Variants in PRDX5 observed in about 807,000 individuals in gnomAD.
PRDX5 encodes peroxiredoxin 5, also known as peroxiredoxin-5, mitochondrial.
A neutral mutation model predicts 23.8 loss-of-function variants in PRDX5; 21 were observed. That is an observed-to-expected ratio of 0.88 (90% CI 0.63 to 1.27). The LOEUF (loss-of-function observed/expected upper bound fraction) is 1.27, where lower values mean the gene tolerates loss of function less well. Ranked by LOEUF, PRDX5 falls within the 50% of genes most tolerant of loss-of-function variation. The probability of loss-of-function intolerance (pLI) is 0.00; values close to 1 mark genes in which losing one functional copy is unlikely to be tolerated. For missense variants in PRDX5, 261 were observed against 270.6 expected (o/e 0.96, Z 0.25); for synonymous variants, 111 against 113.3 (o/e 0.98, Z 0.13).
At chr11:64,321,372 G>A (rs908847520) in intron 5 of PRDX5, among the ~76,000 whole-genome samples, 5 of 148,438 alleles carry the variant, frequency 3.4e-5, no homozygotes, top group Non-Finnish European at 7.5e-5. Context: ...GAGTCCTCTG[G>A]GGAGAGAGTC....
chr11:64,319,194 G>T (rs1027246104), intron 1 of PRDX5, among the ~76,000 whole-genome samples: 2 of 151,972 alleles, frequency 1.3e-5, no homozygotes, highest in Non-Finnish European at 2.9e-5. Context: ...AAGCCCTCAA[G>T]TACTCTGGGG....
intron 5 of PRDX5, 151 bp downstream of exon 5, chr11:64,321,219 G>A: frequency 2.1e-6 from 2 of 937,366 alleles, no homozygotes; most frequent in Non-Finnish European, 3.3e-6. Flanking sequence ...GGAGAGTCCT[G>A]TGTGGGGAGA....
intron 5 of PRDX5, 40 bp downstream of exon 5, chr11:64,321,108 G>A (rs1418151341): frequency 1.9e-6 from 3 of 1,560,372 alleles, no homozygotes; most frequent in Non-Finnish European, 2.6e-6. Flanking sequence ...GTCCTCTGTG[G>A]GAGAGAGTCC....
At chr11:64,319,280 C>T (rs920916660) in intron 1 of PRDX5, among the ~76,000 whole-genome samples, 4 of 152,018 alleles carry the variant, frequency 2.6e-5, no homozygotes, top group Admixed American at 2.0e-4. Context: ...ACACCCTCCC[C>T]CAACGTTCCA....
intron 2 of PRDX5, 119 bp from the exon 3 acceptor site, chr11:64,320,542 G>C (rs2035466391): frequency 7.1e-7 from 1 of 1,406,790 alleles, no homozygotes; most frequent in Admixed American, 2.5e-5. Context: ...GGTTTAGACA[G>C]CTCTCATTGT....
chr11:64,320,437 A>G (rs2035463529), intron 2 of PRDX5, among the ~76,000 whole-genome samples: 2 of 152,212 alleles, frequency 1.3e-5, no homozygotes, highest in Admixed American at 1.3e-4. Flanking sequence ...GATAAATAAG[A>G]CATAGATCTG....
At chr11:64,319,551 G>A (rs1433833039) in intron 1 of PRDX5, among the ~76,000 whole-genome samples, 183 bp from the exon 2 acceptor site, 1 of 152,242 alleles carries the variant, frequency 6.6e-6, no homozygotes, top group Non-Finnish European at 1.5e-5. Context: ...GAAACTTGGA[G>A]GATATGGGGT....
chr11:64,320,388 T>C (rs575617748), intron 2 of PRDX5, among the ~76,000 whole-genome samples: 13 of 152,164 alleles, frequency 8.5e-5, no homozygotes, highest in Non-Finnish European at 1.0e-4. Flanking sequence ...CTGTTGGTCC[T>C]GCTAAATGAC....
At position 64,318,349 on chromosome 11, in the gene PRDX5, G is replaced by A; in HGVS notation, c.134G>A (p.Ser45Asn). 1 of 1,611,822 alleles carries A rather than the reference G, an allele frequency of 6.2e-7. No individual in the cohort carries two copies. Among genetic ancestry groups the A allele is most frequent in the African/African-American group, 1.3e-5 (1 of 75,014 alleles). Reference protein sequence around the residue: ...EGEWASGGVRSFSRAAAAMAP... With the variant: ...EGEWASGGVRNFSRAAAAMAP... ...GAGTGGGCGTCTGGCGGGGTCCGCAGTTTCAGCAGAGCCGCTGCAGCCATG... is the reference window on the plus strand; with the variant it reads ...GAGTGGGCGTCTGGCGGGGTCCGCAATTTCAGCAGAGCCGCTGCAGCCATG... The change falls in exon 1 of 6, where the codon AGT (serine) becomes AAT (asparagine). Residue 45 changes from serine (S) to asparagine (N), a missense_variant. By Grantham distance (46) the Ser-to-Asn change is conservative. Transcript: ENST00000265462.
intron 1 of PRDX5, 84 bp downstream of exon 1, chr11:64,318,470 T>C (rs1451853436): frequency 1.3e-6 from 2 of 1,486,212 alleles, no homozygotes; most frequent in East Asian, 2.5e-5. Context: ...TATCGCTTTA[T>C]TTCCTGCCTG....
intron 2 of PRDX5, 24 bp from the exon 3 acceptor site, chr11:64,320,637 C>A (rs747563951): frequency 7.7e-6 from 12 of 1,563,070 alleles, no homozygotes; most frequent in Non-Finnish European, 1.0e-5. Context: ...ATCCCTTTGC[C>A]GACCCTTTGT....
chr11:64,319,389 C>A (rs2035426109), intron 1 of PRDX5, among the ~76,000 whole-genome samples: 3 of 152,192 alleles, frequency 2.0e-5, no homozygotes. Context: ...TCCTCACCCC[C>A]AAATACAGCC....
Position 64,321,080 on chromosome 11 carries a change from G to A in PRDX5, c.539+12G>A. The A allele has an allele frequency of 6.2e-7, 1 of 1,611,286 alleles. No homozygotes were observed. Among genetic ancestry groups the A allele is most frequent in the Non-Finnish European group, 8.5e-7 (1 of 1,178,230 alleles). On this transcript the variant is annotated intron_variant, in intron 5 of 5. Transcript: ENST00000265462. The stretch of plus-strand genomic sequence containing the variant: ...CGACGTCTCAAGAGGTAAAAGTGGA[G>A]AGTCCTCTGTGGAGAGAGTCCTCTG...
chr11:64,318,598 T>G (rs1292838535), intron 1 of PRDX5, among the ~76,000 whole-genome samples: 1 of 151,930 alleles, frequency 6.6e-6, no homozygotes, highest in Non-Finnish European at 1.5e-5. Flanking sequence ...GCATTGTGTT[T>G]TTTGTTTTTT....
In PRDX5 at chr11:64,321,791, A is replaced by C; in HGVS notation, c.*100A>C. The C allele has an allele frequency of 7.1e-7, 1 of 1,403,540 alleles. No individual in the cohort carries two copies. Among genetic ancestry groups the C allele is most frequent in the East Asian group, 2.6e-5 (1 of 39,200 alleles). The allele number at this position is 1,403,540 out of a possible 1,614,324, so 86.9% of individuals were successfully genotyped here. On this transcript the variant is annotated 3_prime_UTR_variant, in exon 6 of 6. Coordinates refer to ENST00000265462, the MANE Select transcript of PRDX5 (RefSeq NM_012094.5). ...GAATGTTGGCCAGATTTCTGCAATA[A>C]ACACTTGTGGTTTGCGGCCATCTCC...
chr11:64,319,936 AG>A, intron 2 of PRDX5, 68 bp downstream of exon 2: 1 of 1,566,388 alleles, frequency 6.4e-7, no homozygotes, highest in South Asian at 1.2e-5. Flanking sequence ...TCCTCCACAT[AG>A]TCCTGATAGG....
intron 2 of PRDX5, among the ~76,000 whole-genome samples, chr11:64,320,274 G>A (rs983228844): frequency 8.0e-5 from 12 of 149,852 alleles, no homozygotes; most frequent in African/African-American, 3.0e-4. Flanking sequence ...GCGAGACTCC[G>A]TCTCAAAATG....
intron 2 of PRDX5, among the ~76,000 whole-genome samples, chr11:64,320,088 G>A (rs2035451402): frequency 6.6e-6 from 1 of 152,178 alleles, no homozygotes; most frequent in Non-Finnish European, 1.5e-5. Flanking sequence ...AACCAGTCTG[G>A]CCAAGATGGT....
At chr11:64,321,173 G>T in intron 5 of PRDX5, 105 bp downstream of exon 5, 3 of 1,326,718 alleles carry the variant, frequency 2.3e-6, no homozygotes, top group South Asian at 1.2e-5. Context: ...AGTCGTCTGT[G>T]GGGGAGAGTC....
Sources: allele counts gnomAD v4.1 joint callset (sites outside exome capture counted in the v4.1 genomes callset), GRCh38; gene constraint gnomAD v4.1.1; transcripts MANE v1.5; gene names NCBI Gene and HGNC (gene_info 2026-07-23, HGNC 2026-07-21).